SLC35F3: variants seen among roughly 807,000 people sequenced by gnomAD.
SLC35F3 encodes putative thiamine transporter SLC35F3.
SLC35F3 carries 25 observed loss-of-function variants against 49.9 expected under a neutral mutation model. That is an observed-to-expected ratio of 0.50 (90% CI 0.37 to 0.70). The LOEUF (loss-of-function observed/expected upper bound fraction) is 0.70, where lower values mean the gene tolerates loss of function less well. SLC35F3 is among the 30% of genes least tolerant of loss of function. SLC35F3 has a pLI of 0.00. For synonymous variants in SLC35F3, 275 were observed against 265.4 expected, an observed-to-expected ratio of 1.04 and a Z score of -0.35; for missense variants, 525 against 639.8, an observed-to-expected ratio of 0.82 and a Z score of 1.94.
intron 3 of SLC35F3, among the ~76,000 whole-genome samples, chr1:234,267,397 A>G (rs1191658277): frequency 6.9e-6 from 1 of 144,874 alleles, no homozygotes; most frequent in Non-Finnish European, 1.5e-5. Flanking sequence ...CGCTGGGCAC[A>G]CCTCCCAGAC....
intron 2 of SLC35F3, among the ~76,000 whole-genome samples, chr1:233,950,560 T>C (rs1662588693): frequency 6.9e-6 from 1 of 144,470 alleles, no homozygotes; most frequent in African/African-American, 2.6e-5. Flanking sequence ...CTTTCCTCCT[T>C]CTCCCCTGCT....
At chr1:234,306,405 C>T (rs1445192119) in intron 3 of SLC35F3, 1 of 152,808 alleles carries the variant, frequency 6.5e-6, no homozygotes, top group African/African-American at 2.4e-5. Context: ...AGCTGACCCG[C>T]CTCGGCCTCT....
chr1:234,011,566 C>T (rs1572018715), intron 2 of SLC35F3, among the ~76,000 whole-genome samples: 1 of 152,132 alleles, frequency 6.6e-6, no homozygotes, highest in East Asian at 1.9e-4. Context: ...CACACACACA[C>T]CCAGACTCAC....
intron 2 of SLC35F3, among the ~76,000 whole-genome samples, chr1:234,032,088 T>C (rs1342391747): frequency 6.6e-6 from 1 of 152,190 alleles, no homozygotes; most frequent in Non-Finnish European, 1.5e-5. Context: ...ATGTTTGCAT[T>C]GATACTTCGT....
chr1:234,245,387 G>A (rs2102958970), intron 3 of SLC35F3, among the ~76,000 whole-genome samples: 1 of 152,314 alleles, frequency 6.6e-6, no homozygotes, highest in East Asian at 1.9e-4. Context: ...CACATAAGTT[G>A]ATTCCATATC....
At chr1:234,207,821 G>A (rs886157959) in intron 2 of SLC35F3, among the ~76,000 whole-genome samples, 1 of 152,116 alleles carries the variant, frequency 6.6e-6, no homozygotes, top group African/African-American at 2.4e-5. Context: ...GGGCAACATA[G>A]TAAGCTCACA....
intron 2 of SLC35F3, among the ~76,000 whole-genome samples, chr1:234,068,866 A>ATATATATTTTATATATTTTTTATATT (rs1664662814): frequency 2.9e-5 from 3 of 102,108 alleles, no homozygotes; most frequent in Non-Finnish European, 3.9e-5. Context: ...TGGCATATTT[A>ATATATATTTTATATATTTTTTATATT]TATATATTTT....
Position 233,929,053 on chromosome 1 carries a change from T to C in SLC35F3, c.283+23295T>C, listed in dbSNP as rs115475552. On this transcript the variant is annotated intron_variant, in intron 2 of 7. Transcript: ENST00000366618. ...TAATATAGAATACATTTGGCCAAAA[T>C]AAGTCTCATGGTCAACCCCAAGTCA... Among the ~76,000 whole-genome samples, 1,039 of 152,288 alleles carry C rather than the reference T, an allele frequency of 6.8e-3. 15 individuals carry two copies. Among genetic ancestry groups the C allele is most frequent in the African/African-American group, 0.024 (991 of 41,570 alleles).
intron 2 of SLC35F3, among the ~76,000 whole-genome samples, chr1:234,098,926 C>T (rs1572051448): frequency 6.7e-6 from 1 of 150,240 alleles, no homozygotes; most frequent in Admixed American, 6.6e-5. Context: ...GGTGGCAGTT[C>T]GGATGGTGGT....
intron 2 of SLC35F3, among the ~76,000 whole-genome samples, chr1:233,918,012 C>A (rs1277738393): frequency 1.5e-5 from 1 of 66,240 alleles, no homozygotes; most frequent in Admixed American, 2.2e-4. Context: ...TTTGGCTTAG[C>A]TAAAATGCAG....
intron 2 of SLC35F3, among the ~76,000 whole-genome samples, chr1:233,912,187 G>A (rs577888732): frequency 1.4e-4 from 21 of 152,232 alleles, no homozygotes; most frequent in African/African-American, 5.1e-4. Flanking sequence ...ACTGCTATGA[G>A]CCTCTAGTTT....
Position 234,082,404 on chromosome 1 carries a change from C to T in SLC35F3, c.284-149013C>T, listed in dbSNP as rs532431837. On this transcript the variant is annotated intron_variant, in intron 2 of 7. Transcript: ENST00000366618. ...TAACTGTAACCATGTCACAAAAATT[C>T]TCAACCTAGACAGAGCAGTGTGATA... 1.9e-4 allele frequency among the ~76,000 whole-genome samples: 29 copies of T among 152,286 alleles called. 1 individual carries two copies. In the South Asian group the frequency reaches 6.0e-3, roughly 32 times the overall value.
intron 2 of SLC35F3, among the ~76,000 whole-genome samples, chr1:234,018,349 C>T (rs181653029): frequency 2.0e-5 from 3 of 152,282 alleles, no homozygotes; most frequent in East Asian, 1.9e-4. Context: ...CCCTGCCCCA[C>T]CTCCTCCATT....
chr1:234,178,574 A>G (rs1343278002), intron 2 of SLC35F3, among the ~76,000 whole-genome samples: 2 of 152,156 alleles, frequency 1.3e-5, no homozygotes, highest in Non-Finnish European at 2.9e-5. Context: ...CACTGTCAGC[A>G]TCCCCCAGTG....
At position 234,214,422 on chromosome 1, in the gene SLC35F3, C is replaced by A; in HGVS notation, c.284-16995C>A. The A allele has an allele frequency of 5.5e-6, 8 of 1,459,408 alleles. No homozygotes were observed. Among genetic ancestry groups the A allele is most frequent in the Non-Finnish European group, 7.3e-6 (8 of 1,102,996 alleles). 90.4% of individuals were successfully genotyped at this position (1,459,408 alleles called of 1,614,324 possible). On this transcript the variant is annotated intron_variant, in intron 2 of 7. Transcript: ENST00000366618. This position sits in a 1 kb window ranked among gnomAD's most constrained non-coding sequence, Gnocchi z 8.0. ...GGCAGAGGGCCGCGTCGGCCACGGG[C>A]CCGGGAGAGACGCGCTCCAGCCGGC... is the stretch of plus-strand genomic sequence containing the variant.
chr1:234,082,330 A>G, intron 2 of SLC35F3, among the ~76,000 whole-genome samples: 1 of 152,192 alleles, frequency 6.6e-6, no homozygotes, highest in East Asian at 1.9e-4. Context: ...ATGCCACTAC[A>G]TCATGCATTA....
chr1:234,286,871 TAAATA>T (rs1258875940), intron 3 of SLC35F3, among the ~76,000 whole-genome samples: 26 of 152,232 alleles, frequency 1.7e-4, no homozygotes, highest in African/African-American at 6.3e-4. Context: ...AATAAATAAA[TAAATA>T]AAAGTAACTA....
At chr1:234,035,421 T>G (rs370497098) in intron 2 of SLC35F3, among the ~76,000 whole-genome samples, 16 of 152,328 alleles carry the variant, frequency 1.1e-4, no homozygotes, top group African/African-American at 3.6e-4. Context: ...AAGCAAGTAG[T>G]AGCTTTTGTA....
chr1:234,111,037 G>A (rs1217172098), intron 2 of SLC35F3, among the ~76,000 whole-genome samples: 1 of 152,068 alleles, frequency 6.6e-6, no homozygotes, highest in East Asian at 1.9e-4. Context: ...TGAGATTTTA[G>A]AACATTGTTA....
Sources: allele counts gnomAD v4.1 joint callset (sites outside exome capture counted in the v4.1 genomes callset), GRCh38; gene constraint gnomAD v4.1.1; non-coding constraint Gnocchi (gnomAD v3.1); transcripts MANE v1.5; gene names NCBI Gene and HGNC (gene_info 2026-07-23, HGNC 2026-07-21).